RNLS: variants seen among roughly 807,000 people sequenced by gnomAD.
The protein encoded by RNLS is renalase, FAD dependent amine oxidase, also known as renalase.
RNLS carries 39 observed loss-of-function variants against 39.8 expected under a neutral mutation model. The observed-to-expected ratio is 0.98, with a 90% CI of 0.76 to 1.28. The LOEUF is 1.28. RNLS is among the 50% of genes most tolerant of loss of function. The probability of loss-of-function intolerance (pLI) is 0.00; values close to 1 mark genes in which losing one functional copy is unlikely to be tolerated. For synonymous variants in RNLS, 147 were observed against 150.7 expected, an observed-to-expected ratio of 0.98 and a Z score of 0.18; for missense variants, 410 against 413.3, an observed-to-expected ratio of 0.99 and a Z score of 0.07.
rs554987102 is a variant in RNLS, at chr10:88,369,813, G to A, written c.527-7088C>T. 2.8e-4 allele frequency among the ~76,000 whole-genome samples: 43 copies of A among 152,192 alleles called. 1 individual carries two copies. The East Asian group carries it at 6.0e-3, about 21-fold the overall frequency. On this transcript the variant is annotated intron_variant, in intron 4 of 6. Transcript: ENST00000331772. ...TCCTGCCTCATCCTCCCAAGTAACT[G>A]GGATTACAGGCACATGCCACACACC...
chr10:88,303,372 G>A (rs376250737), intron 6 of RNLS, among the ~76,000 whole-genome samples: 3 of 152,312 alleles, frequency 2.0e-5, no homozygotes. Context: ...AGACAATCTT[G>A]CCCATTAGAT....
At chr10:88,514,995 C>CT (rs896995605) in intron 4 of RNLS, among the ~76,000 whole-genome samples, 2 of 152,068 alleles carry the variant, frequency 1.3e-5, no homozygotes, top group African/African-American at 4.8e-5. Context: ...ATTCTACATT[C>CT]TTACCAACAA....
At chr10:88,365,112 T>C (rs1199175777) in intron 4 of RNLS, among the ~76,000 whole-genome samples, 1 of 152,062 alleles carries the variant, frequency 6.6e-6, no homozygotes, top group African/African-American at 2.4e-5. Context: ...GATATCTATA[T>C]AGAAACAGCA....
chr10:88,288,093 C>T (rs986060089), intron 6 of RNLS, among the ~76,000 whole-genome samples: 1 of 152,146 alleles, frequency 6.6e-6, no homozygotes, highest in African/African-American at 2.4e-5. Flanking sequence ...ACCATGATGG[C>T]CCCAGCTTTC....
At chr10:88,469,396 G>A (rs1843385169) in intron 4 of RNLS, among the ~76,000 whole-genome samples, 1 of 152,130 alleles carries the variant, frequency 6.6e-6, no homozygotes, top group African/African-American at 2.4e-5. Context: ...TAAATACTGG[G>A]ACATATAAAT....
intron 5 of RNLS, among the ~76,000 whole-genome samples, chr10:88,337,788 G>T (rs114152029): frequency 6.6e-6 from 1 of 152,164 alleles, no homozygotes; most frequent in Non-Finnish European, 1.5e-5. Flanking sequence ...CATTTGAGAT[G>T]AGTTTTATGT....
chr10:88,418,081 C>CTTTTTTT (rs35536346), intron 4 of RNLS, among the ~76,000 whole-genome samples: 1 of 143,926 alleles, frequency 6.9e-6, no homozygotes, highest in Non-Finnish European at 1.5e-5. Flanking sequence ...GAGCTTTTGT[C>CTTTTTTT]TTTTTTTTTT....
At chr10:88,437,235 G>C (rs940338674) in intron 4 of RNLS, among the ~76,000 whole-genome samples, 1 of 152,196 alleles carries the variant, frequency 6.6e-6, no homozygotes, top group African/African-American at 2.4e-5. Context: ...CTTGAAGAGA[G>C]AAGGCGGGAA....
intron 4 of RNLS, among the ~76,000 whole-genome samples, chr10:88,444,049 A>G (rs967594879): frequency 3.3e-5 from 5 of 152,236 alleles, no homozygotes; most frequent in African/African-American, 1.2e-4. Flanking sequence ...AACCCCGAGT[A>G]GCCTAACTGG....
chr10:88,581,563 C>T lies in RNLS; in HGVS notation c.367+4G>A. On this transcript the variant is annotated splice_donor_region_variant and intron_variant, in intron 3 of 6. Transcript: ENST00000331772. ...AATTTAGGCAGAGAAAATCTTACTC[C>T]CACCTGATTCTTTCAAGTAATGCTT... 6.3e-7 allele frequency: 1 copy of T among 1,582,766 alleles called. No individual in the cohort carries two copies. The highest frequency in any genetic ancestry group is 8.6e-7 in the Non-Finnish European group (1 of 1,167,468).
At chr10:88,350,791 C>A (rs961907992) in intron 5 of RNLS, among the ~76,000 whole-genome samples, 4 of 152,098 alleles carry the variant, frequency 2.6e-5, no homozygotes, top group African/African-American at 9.7e-5. Flanking sequence ...GTTCTAGATC[C>A]CTGAGGAATC....
At chr10:88,501,474 A>G (rs2134109277) in intron 4 of RNLS, among the ~76,000 whole-genome samples, 1 of 152,298 alleles carries the variant, frequency 6.6e-6, no homozygotes, top group Middle Eastern at 3.4e-3. Context: ...TGAGGTGGCC[A>G]AATGGTAACA....
At chr10:88,477,767 A>G (rs1232218026) in intron 4 of RNLS, among the ~76,000 whole-genome samples, 3 of 152,170 alleles carry the variant, frequency 2.0e-5, no homozygotes, top group Non-Finnish European at 4.4e-5. Context: ...TTCACATCTA[A>G]GAAGCTTCAG....
the RNLS span, among the ~76,000 whole-genome samples, chr10:88,240,992 T>C: frequency 6.6e-6 from 1 of 150,896 alleles, no homozygotes. Flanking sequence ...AATTATATAA[T>C]TGATTTTCTT....
At chr10:88,367,191 A>C (rs1850187761) in intron 4 of RNLS, among the ~76,000 whole-genome samples, 1 of 152,132 alleles carries the variant, frequency 6.6e-6, no homozygotes, top group African/African-American at 2.4e-5. Flanking sequence ...GAAACAGAGC[A>C]TTACCAGAAC....
the RNLS span, among the ~76,000 whole-genome samples, chr10:88,217,490 A>T: frequency 6.6e-6 from 1 of 152,176 alleles, no homozygotes; most frequent in African/African-American, 2.4e-5. Context: ...GTGTGATCTG[A>T]TACAGAAAGC....
chr10:88,392,672 C>T (rs1232722387), intron 4 of RNLS, among the ~76,000 whole-genome samples: 1 of 152,098 alleles, frequency 6.6e-6, no homozygotes, highest in Non-Finnish European at 1.5e-5. Context: ...TTTCACAAAC[C>T]CTGGGGAGGT....
chr10:88,238,239 AT>A, the RNLS span, among the ~76,000 whole-genome samples: 6 of 152,292 alleles, frequency 3.9e-5, no homozygotes, highest in Non-Finnish European at 7.4e-5. Context: ...TGTGTTGAAT[AT>A]TTGAGGACAG....
chr10:88,316,675 C>T (rs1281093139), intron 5 of RNLS, among the ~76,000 whole-genome samples: 1 of 152,116 alleles, frequency 6.6e-6, no homozygotes, highest in South Asian at 2.1e-4. Flanking sequence ...TGGTGTGATG[C>T]CAGGTTTCTC....
Sources: gnomAD v4.1 joint callset for allele counts (sites outside exome capture counted in the v4.1 genomes callset) on GRCh38, gnomAD v4.1.1 for gene constraint, MANE v1.5 for transcripts, NCBI Gene and HGNC (gene_info 2026-07-23, HGNC 2026-07-21) for gene names.